Variants in PCM1 observed in about 807,000 individuals in gnomAD.
PCM1 encodes pericentriolar material 1.
PCM1 carries 157 observed loss-of-function variants against 241.9 expected under a neutral mutation model. The ratio of observed to expected loss-of-function variants is 0.65; its 90% confidence interval spans 0.57 to 0.74. The LOEUF (loss-of-function observed/expected upper bound fraction) is 0.74, where lower values mean the gene tolerates loss of function less well. PCM1 is among the 30% of genes least tolerant of loss of function. The pLI is 0.00. For missense variants in PCM1, 3,478 were observed against 2,360.1 expected, an observed-to-expected ratio of 1.47 and a Z score of -9.81; for synonymous variants, 1,085 against 784.9, an observed-to-expected ratio of 1.38 and a Z score of -6.39.
chr8:18,001,485 T>C (rs951399259), intron 29 of PCM1, among the ~76,000 whole-genome samples: 1 of 152,250 alleles, frequency 6.6e-6, no homozygotes. Context: ...TAAGCAGTAC[T>C]ATTAATTTCA....
intron 29 of PCM1, among the ~76,000 whole-genome samples, chr8:17,996,866 C>G (rs555829555): frequency 7.2e-5 from 11 of 152,146 alleles, no homozygotes; most frequent in African/African-American, 2.6e-4. Context: ...TCTTACTGTA[C>G]CATGTCTTGA....
intron 7 of PCM1, 136 bp from the exon 8 acceptor site, chr8:17,950,479 A>T: frequency 1.7e-6 from 1 of 588,458 alleles, no homozygotes; most frequent in South Asian, 2.2e-5. Flanking sequence ...TGGCAGATAG[A>T]TCGGATTGTT....
In PCM1 at chr8:17,950,670, T is replaced by G. The variant is rs747708922; in HGVS notation, c.1017T>G (p.Asn339Lys). The G allele has an allele frequency of 6.2e-7, 1 of 1,605,880 alleles. No homozygotes were observed. The highest frequency in any genetic ancestry group is 8.5e-7 in the Non-Finnish European group (1 of 1,175,336). Reference protein sequence around the residue: ...LSGVSITSELNEELNDLIQRF... With the variant: ...LSGVSITSELKEELNDLIQRF... ...GCGTCAGTATCACATCTGAACTAAA[T>G]GAAGAATTGAATGACTTAATTCAGC... Residue 339 changes from asparagine (N) to lysine (K), a missense_variant, in exon 8 of 39, where the codon AAT (asparagine) becomes AAG (lysine). By Grantham distance (94) the Asn-to-Lys change is moderately conservative. Coordinates refer to ENST00000325083, the MANE Select transcript of PCM1 (RefSeq NM_006197.4).
intron 8 of PCM1, 106 bp from the exon 9 acceptor site, chr8:17,952,864 A>G (rs2066609461): frequency 1.4e-6 from 1 of 725,540 alleles, no homozygotes; most frequent in African/African-American, 1.8e-5. Context: ...ACAGCCTAGC[A>G]AATATTTCTT....
chr8:17,989,970 G>T lies in PCM1; in HGVS notation c.4522G>T (p.Asp1508Tyr). Residue 1508 changes from aspartate to tyrosine, a missense_variant, in exon 27 of 39, where the codon GAT (aspartate) becomes TAT (tyrosine). By Grantham distance (160) the Asp-to-Tyr change is radical. Transcript: ENST00000325083. ...VSSNFEPFAT[D>Y]DLGNTVIHLD... ...ATCAAATTTTGAGCCTTTTGCAACA[G>T]ATGATCTAGGTAAGCAGAATTGTTT... 1 of 1,532,848 alleles carries T rather than the reference G, an allele frequency of 6.5e-7. No individual in the cohort carries two copies. The highest frequency in any genetic ancestry group is 8.8e-7 in the Non-Finnish European group (1 of 1,138,626). The allele number at this position is 1,532,848 out of a possible 1,614,324, so 95.0% of individuals were successfully genotyped here. A position where few individuals can be genotyped will look rare whatever the true frequency, so the allele number is the denominator to read the frequency against.
At chr8:17,951,904 C>A (rs137890587) in intron 8 of PCM1, among the ~76,000 whole-genome samples, 1 of 151,956 alleles carries the variant, frequency 6.6e-6, no homozygotes, top group Non-Finnish European at 1.5e-5. Flanking sequence ...CTAGTGGATT[C>A]TTGCAAAGTT....
rs903749481 is a variant in PCM1, at chr8:17,937,145, C to T, written c.108C>T (p.Ala36=). The T allele has an allele frequency of 2.6e-6, 4 of 1,562,242 alleles. No individual in the cohort carries two copies. In the African/African-American group the frequency reaches 4.1e-5, roughly 16 times the overall value. ...DDRLNNMDWG[A]QQKKANRSSE... ...TTACTTTTTTAAAGGATTGGGGTGC[C>T]CAACAGAAGAAAGCAAATAGATCAT... Residue 36 remains alanine (A), a synonymous_variant, in exon 4 of 39, where the codon GCC becomes GCT. Coordinates refer to ENST00000325083, the MANE Select transcript of PCM1 (RefSeq NM_006197.4).
chr8:18,003,912 A>C (rs2090438323), intron 29 of PCM1, among the ~76,000 whole-genome samples: 1 of 152,254 alleles, frequency 6.6e-6, no homozygotes, highest in South Asian at 2.1e-4. Flanking sequence ...TCTTAGGCCT[A>C]AAGTATTGCC....
chr8:17,924,351 G>T (rs2055995165), intron 1 of PCM1, among the ~76,000 whole-genome samples: 1 of 152,204 alleles, frequency 6.6e-6, no homozygotes, highest in Admixed American at 6.5e-5. Context: ...AAAATCATCG[G>T]ATATACGAGG....
chr8:17,954,638 C>T (rs77652414), intron 9 of PCM1, among the ~76,000 whole-genome samples: 1 of 152,190 alleles, frequency 6.6e-6, no homozygotes, highest in East Asian at 1.9e-4. Flanking sequence ...AAACCACCTA[C>T]AGGAATTGTG....
At chr8:17,990,025 T>G in intron 27 of PCM1, 46 bp downstream of exon 27, 2 of 1,439,774 alleles carry the variant, frequency 1.4e-6, no homozygotes, top group South Asian at 3.0e-5. Context: ...TAAGTTGATC[T>G]GGTCCAGTCT....
chr8:17,998,785 C>T (rs2087983622), intron 29 of PCM1, among the ~76,000 whole-genome samples: 1 of 152,166 alleles, frequency 6.6e-6, no homozygotes, highest in African/African-American at 2.4e-5. Flanking sequence ...TCCCCCAGGT[C>T]CCTAATGGGT....
At chr8:17,988,353 T>C (rs1009675847) in intron 26 of PCM1, among the ~76,000 whole-genome samples, 3 of 151,840 alleles carry the variant, frequency 2.0e-5, no homozygotes, top group Non-Finnish European at 4.4e-5. Context: ...TAAAATGTCA[T>C]AATCAAAGTG....
chr8:17,991,729 T>G (rs1403231764), intron 28 of PCM1, 29 bp downstream of exon 28: 1 of 1,498,248 alleles, frequency 6.7e-7, no homozygotes, highest in Admixed American at 2.1e-5. Flanking sequence ...GGTAGGTTTT[T>G]GGAGAACAGG....
intron 36 of PCM1, among the ~76,000 whole-genome samples, chr8:18,017,628 C>T (rs1224667743): frequency 6.6e-6 from 1 of 152,132 alleles, no homozygotes; most frequent in East Asian, 1.9e-4. Context: ...CCAAGGCAGG[C>T]AGATCACCTG....
intron 30 of PCM1, among the ~76,000 whole-genome samples, chr8:18,006,881 C>A (rs2091480279): frequency 6.6e-6 from 1 of 152,022 alleles, no homozygotes. Context: ...GTGTCTGCAG[C>A]CATTTTGTTT....
intron 13 of PCM1, among the ~76,000 whole-genome samples, chr8:17,958,524 A>G (rs1298848716): frequency 6.6e-6 from 1 of 152,190 alleles, no homozygotes; most frequent in African/African-American, 2.4e-5. Flanking sequence ...ATATGTAATT[A>G]ACTATAATTG....
intron 24 of PCM1, chr8:17,983,401 T>A: frequency 2.5e-6 from 1 of 397,878 alleles, no homozygotes; most frequent in Non-Finnish European, 4.6e-6. Context: ...AGAGTATATA[T>A]GTTATGTGAC....
chr8:17,962,331 T>G (rs2072697231), intron 16 of PCM1, 157 bp downstream of exon 16: 2 of 357,712 alleles, frequency 5.6e-6, no homozygotes, highest in Non-Finnish European at 9.9e-6. Flanking sequence ...CACAAAAATG[T>G]AATAGATTAT....
Sources: allele counts gnomAD v4.1 joint callset (sites outside exome capture counted in the v4.1 genomes callset), GRCh38; gene constraint gnomAD v4.1.1; transcripts MANE v1.5; gene names NCBI Gene and HGNC (gene_info 2026-07-23, HGNC 2026-07-21).